Variants in GNG4 observed in about 807,000 individuals in gnomAD.
GNG4 encodes guanine nucleotide-binding protein G(I)/G(S)/G(O) subunit gamma-4.
GNG4 carries 4 observed loss-of-function variants against 5.8 expected under a neutral mutation model. The observed-to-expected ratio is 0.69, with a 90% CI of 0.34 to 1.57. GNG4 has a LOEUF of 1.57. GNG4 is among the 40% of genes most tolerant of loss of function. The pLI is 0.06. For missense variants in GNG4, 96 were observed against 95.1 expected, an observed-to-expected ratio of 1.01 and a Z score of -0.04; for synonymous variants, 29 against 32.9, an observed-to-expected ratio of 0.88 and a Z score of 0.41.
chr1:235,615,008 G>C (rs1352201039), intron 1 of GNG4: 1 of 152,358 alleles, frequency 6.6e-6, no homozygotes, highest in African/African-American at 2.4e-5. Context: ...TGGAAGGAGT[G>C]AGCTCCAGGA....
At chr1:235,587,602 G>T (rs1558486341) in intron 2 of GNG4, among the ~76,000 whole-genome samples, 21 of 124,276 alleles carry the variant, frequency 1.7e-4, no homozygotes, top group South Asian at 2.7e-4. Flanking sequence ...AGTGTGGGAG[G>T]GCATGGGGTG....
intron 1 of GNG4, among the ~76,000 whole-genome samples, chr1:235,605,961 GGT>G (rs369235445): frequency 1.3e-4 from 18 of 133,498 alleles, no homozygotes; most frequent in African/African-American, 4.4e-4. Flanking sequence ...AGTGTGGGGG[GGT>G]GGGTCTCACT....
At chr1:235,555,325 T>G (rs573394387) in intron 3 of GNG4, among the ~76,000 whole-genome samples, 5 of 152,132 alleles carry the variant, frequency 3.3e-5, no homozygotes, top group Admixed American at 3.3e-4. Context: ...AGATCATCTC[T>G]TGTGGCTGAC....
At position 235,581,068 on chromosome 1, in the gene GNG4, T is replaced by C. The variant is rs116663500; in HGVS notation, c.99+2672A>G. Among the ~76,000 whole-genome samples, 407 of 152,152 alleles carry C rather than the reference T, an allele frequency of 2.7e-3. 2 individuals are homozygous for C. Among genetic ancestry groups the C allele is most frequent in the Non-Finnish European group, 5.0e-3 (341 of 67,990 alleles). ...CATCTGGCCTGCCTATCCCTTTGAT[T>C]GAATATCACCTGAGTAACTGATATG... is the stretch of plus-strand genomic sequence containing the variant. On this transcript the variant is annotated intron_variant, in intron 3 of 3. Transcript: ENST00000391854.
rs1553371262 is a variant in GNG4, at chr1:235,619,202, C to CACAT, written c.-122-23692_-122-23691insATGT. Among the ~76,000 whole-genome samples, 315 of 136,400 alleles carry CACAT rather than the reference C, an allele frequency of 2.3e-3. 2 individuals carry two copies. The highest frequency in any genetic ancestry group is 7.2e-3 in the African/African-American group (265 of 37,056). The allele number at this position is 136,400 out of a possible 152,430, so 89.5% of individuals were successfully genotyped here. A position where few individuals can be genotyped will look rare whatever the true frequency, so the allele number is the denominator to read the frequency against. ...ACACACACATATATATACACACACACATATATATATATACACACACACATA... is the reference window on the plus strand; with the variant it reads ...ACACACACATATATATACACACACACACATATATATATATATACACACACACATA... On this transcript the variant is annotated intron_variant, in intron 1 of 3. Transcript: ENST00000391854.
intron 1 of GNG4, among the ~76,000 whole-genome samples, chr1:235,647,165 G>T (rs1657531714): frequency 6.6e-6 from 1 of 151,802 alleles, no homozygotes; most frequent in Non-Finnish European, 1.5e-5. Context: ...TTGGTTTCTG[G>T]TTTTAAAAAA....
chr1:235,607,468 GT>G (rs1254764557), intron 1 of GNG4, among the ~76,000 whole-genome samples: 1 of 152,192 alleles, frequency 6.6e-6, no homozygotes, highest in Non-Finnish European at 1.5e-5. Flanking sequence ...TCGCCACTGG[GT>G]GCACCGTGGG....
intron 1 of GNG4, among the ~76,000 whole-genome samples, chr1:235,628,784 C>G (rs545897541): frequency 2.6e-5 from 4 of 152,142 alleles, no homozygotes; most frequent in Non-Finnish European, 5.9e-5. Flanking sequence ...GGTGGTGGCC[C>G]TTTTTAAAGA....
chr1:235,587,295 TG>T (rs1687792028), intron 2 of GNG4, among the ~76,000 whole-genome samples: 1 of 75,056 alleles, frequency 1.3e-5, no homozygotes, highest in Non-Finnish European at 2.4e-5. Context: ...TGGGTTGGGG[TG>T]TGTGTGAGGG....
intron 2 of GNG4, among the ~76,000 whole-genome samples, chr1:235,588,206 C>T (rs1267449777): frequency 2.6e-5 from 4 of 152,112 alleles, no homozygotes; most frequent in Admixed American, 6.5e-5. Context: ...CCCACCAGCG[C>T]ACTGTGCTTT....
At chr1:235,603,254 ATAATAAT>A (rs1406756886) in intron 1 of GNG4, among the ~76,000 whole-genome samples, 5 of 109,754 alleles carry the variant, frequency 4.6e-5, no homozygotes, top group Non-Finnish European at 8.0e-5. Context: ...AATAATGATA[ATAATAAT>A]TAATAATAAT....
rs141593923 is a variant in GNG4 at position 235,583,983 on chromosome 1, C to T, written c.-10-135G>A. The stretch of plus-strand genomic sequence containing the variant: ...GCATGGACAGCATTTGGTAGAAAAC[C>T]CTCCTGGGATAAGAGAAAGGAATGC... On this transcript the variant is annotated intron_variant, in intron 2 of 3. Coordinates refer to ENST00000391854, the MANE Select transcript of GNG4 (RefSeq NM_001098722.2). 1,059 of 506,284 alleles carry T rather than the reference C, an allele frequency of 2.1e-3. 3 individuals are homozygous for T. The highest frequency in any genetic ancestry group is 4.0e-3 in the Middle Eastern group (10 of 2,520). The allele number at this position is 506,284 out of a possible 1,614,324, so 31.4% of individuals were successfully genotyped here.
rs1052683180 is a variant in GNG4, at chr1:235,597,405, C to T, written c.-122-1894G>A. Among the ~76,000 whole-genome samples, 12 of 151,428 alleles carry T rather than the reference C, an allele frequency of 7.9e-5. No individual in the cohort carries two copies. The East Asian group carries it at 2.1e-3, about 27-fold the overall frequency. ...GAATGTTTATGTCCCCCCTACCCCCCCCAAATTCCTATATTGAAATCCAAA... is the reference window on the plus strand; with the variant it reads ...GAATGTTTATGTCCCCCCTACCCCCTCCAAATTCCTATATTGAAATCCAAA... On this transcript the variant is annotated intron_variant, in intron 1 of 3. Coordinates refer to ENST00000391854, the MANE Select transcript of GNG4 (RefSeq NM_001098722.2).
At chr1:235,628,417 G>A (rs552120466) in intron 1 of GNG4, among the ~76,000 whole-genome samples, 12 of 135,180 alleles carry the variant, frequency 8.9e-5, no homozygotes, top group African/African-American at 3.5e-4. Flanking sequence ...GTTAGGAGAC[G>A]GGGGGGGGTT....
chr1:235,617,744 G>T (rs1206095558), intron 1 of GNG4, among the ~76,000 whole-genome samples: 1 of 152,080 alleles, frequency 6.6e-6, no homozygotes, highest in African/African-American at 2.4e-5. Flanking sequence ...AACTAGCCAG[G>T]TGTGTTGGTG....
intron 3 of GNG4, among the ~76,000 whole-genome samples, chr1:235,582,021 G>A (rs1687649415): frequency 1.3e-5 from 2 of 152,180 alleles, no homozygotes; most frequent in African/African-American, 4.8e-5. Flanking sequence ...CTCTGGCCAT[G>A]GGGCTTGACA....
At chr1:235,582,232 C>T (rs977333985) in intron 3 of GNG4, among the ~76,000 whole-genome samples, 8 of 152,256 alleles carry the variant, frequency 5.3e-5, no homozygotes, top group Non-Finnish European at 1.0e-4. Context: ...CTATTGCTTA[C>T]AGGTTGGTTC....
At chr1:235,575,046 A>G (rs1207864677) in intron 3 of GNG4, among the ~76,000 whole-genome samples, 2 of 152,158 alleles carry the variant, frequency 1.3e-5, no homozygotes, top group Non-Finnish European at 2.9e-5. Flanking sequence ...GCTAGTCTCG[A>G]ACTCCTGACC....
At chr1:235,552,556 C>T (rs1315164182) in intron 3 of GNG4, among the ~76,000 whole-genome samples, 1 of 152,126 alleles carries the variant, frequency 6.6e-6, no homozygotes, top group Non-Finnish European at 1.5e-5. Context: ...ACAGTAGTCT[C>T]ACAATGACTT....
Sources: allele counts gnomAD v4.1 joint callset (sites outside exome capture counted in the v4.1 genomes callset), GRCh38; gene constraint gnomAD v4.1.1; transcripts MANE v1.5; gene names NCBI Gene and HGNC (gene_info 2026-07-23, HGNC 2026-07-21).